The following SKAP1 variants were observed in gnomAD, a reference collection of about 807,000 sequenced individuals.
SKAP1 encodes the protein src kinase-associated phosphoprotein 1.
In SKAP1, 44 loss-of-function variants were observed where a neutral mutation model predicts 58.5. The observed-to-expected ratio is 0.75, with a 90% CI of 0.59 to 0.97. The LOEUF is 0.97. Ranked by LOEUF, SKAP1 falls within the 50% of genes least tolerant of loss-of-function variation. SKAP1 has a pLI of 0.00. For synonymous variants in SKAP1, 127 were observed against 149.7 expected (o/e 0.85, Z 1.11); for missense variants, 390 against 435.2 (o/e 0.90, Z 0.92).
intron 10 of SKAP1, among the ~76,000 whole-genome samples, chr17:48,163,645 T>A (rs1027811421): frequency 6.6e-6 from 1 of 152,214 alleles, no homozygotes; most frequent in African/African-American, 2.4e-5. Flanking sequence ...TGGGGGACTC[T>A]GTTCTATAGA....
intron 12 of SKAP1, among the ~76,000 whole-genome samples, chr17:48,136,042 A>T (rs972561419): frequency 2.2e-4 from 34 of 152,202 alleles, no homozygotes; most frequent in African/African-American, 8.0e-4. Context: ...TCTAAGCTGG[A>T]CACAGGGCTA....
intron 4 of SKAP1, among the ~76,000 whole-genome samples, chr17:48,302,163 C>T (rs1732544188): frequency 6.6e-6 from 1 of 152,146 alleles, no homozygotes; most frequent in African/African-American, 2.4e-5. Flanking sequence ...ACATAAACCA[C>T]TTTTTATATT....
intron 4 of SKAP1, among the ~76,000 whole-genome samples, chr17:48,327,732 C>T (rs988630933): frequency 2.6e-5 from 4 of 152,090 alleles, no homozygotes; most frequent in African/African-American, 7.2e-5. Flanking sequence ...GGGCTCAAGC[C>T]GTCCTCCCTC....
intron 4 of SKAP1, among the ~76,000 whole-genome samples, chr17:48,275,484 T>C (rs540053492): frequency 1.4e-4 from 22 of 152,344 alleles, no homozygotes; most frequent in Admixed American, 1.4e-3. Flanking sequence ...GGATTATCTA[T>C]CTCTTGACCT....
intron 4 of SKAP1, among the ~76,000 whole-genome samples, chr17:48,319,518 G>T (rs574165384): frequency 6.6e-6 from 1 of 152,338 alleles, no homozygotes; most frequent in African/African-American, 2.4e-5. Context: ...GGTAGTCAAT[G>T]ATGTTGCTCC....
At chr17:48,256,495 T>C (rs757607235) in intron 4 of SKAP1, among the ~76,000 whole-genome samples, 2 of 152,132 alleles carry the variant, frequency 1.3e-5, no homozygotes, top group African/African-American at 4.8e-5. Flanking sequence ...TTTTAGTCTG[T>C]GGCATCACGG....
At chr17:48,328,823 C>G (rs1035034324) in intron 4 of SKAP1, among the ~76,000 whole-genome samples, 21 of 152,086 alleles carry the variant, frequency 1.4e-4, no homozygotes, top group African/African-American at 5.1e-4. Context: ...TATATCTGAG[C>G]CTTCCTTTCT....
intron 4 of SKAP1, among the ~76,000 whole-genome samples, chr17:48,192,129 G>A (rs1234981226): frequency 1.3e-5 from 2 of 151,860 alleles, no homozygotes; most frequent in Non-Finnish European, 2.9e-5. Context: ...GCAGTGAGCT[G>A]TGATTGAACC....
chr17:48,319,333 A>G (rs1333056429), intron 4 of SKAP1, among the ~76,000 whole-genome samples: 2 of 152,122 alleles, frequency 1.3e-5, no homozygotes, highest in Non-Finnish European at 1.5e-5. Context: ...AAATTAATGT[A>G]AAAGAATAGG....
chr17:48,410,797 G>T (rs1333724204), intron 1 of SKAP1, among the ~76,000 whole-genome samples: 1 of 151,642 alleles, frequency 6.6e-6, no homozygotes, highest in Non-Finnish European at 1.5e-5. Context: ...TGTGGTGGCA[G>T]GCACCTGTAA....
intron 4 of SKAP1, among the ~76,000 whole-genome samples, chr17:48,305,230 G>C (rs552227211): frequency 9.4e-4 from 143 of 152,256 alleles, no homozygotes; most frequent in African/African-American, 3.2e-3. Flanking sequence ...TGACCAGGCT[G>C]CTGGAGTGCA....
chr17:48,136,768 G>A (rs952120329), intron 12 of SKAP1, among the ~76,000 whole-genome samples: 4 of 149,520 alleles, frequency 2.7e-5, no homozygotes, highest in South Asian at 2.1e-4. Flanking sequence ...TCCGCTTCCC[G>A]GGTTCAAGCG....
chr17:48,172,043 G>C (rs1284282964), intron 9 of SKAP1, among the ~76,000 whole-genome samples: 1 of 152,124 alleles, frequency 6.6e-6, no homozygotes, highest in Non-Finnish European at 1.5e-5. Flanking sequence ...CTGGGTGACA[G>C]AGCAAGACTC....
At chr17:48,138,570 A>T (rs1442527179) in intron 11 of SKAP1, among the ~76,000 whole-genome samples, 1 of 151,958 alleles carries the variant, frequency 6.6e-6, no homozygotes, top group Non-Finnish European at 1.5e-5. Flanking sequence ...GGGTTTCACC[A>T]TGTTGGCCTT....
intron 1 of SKAP1, among the ~76,000 whole-genome samples, chr17:48,413,970 A>G (rs1365658884): frequency 6.6e-6 from 1 of 152,200 alleles, no homozygotes; most frequent in Non-Finnish European, 1.5e-5. Flanking sequence ...TCCTCAGACC[A>G]AAGAGAAAAG....
intron 1 of SKAP1, among the ~76,000 whole-genome samples, chr17:48,425,793 A>G (rs915653117): frequency 1.3e-5 from 2 of 152,262 alleles, no homozygotes; most frequent in Admixed American, 1.3e-4. Context: ...TTGGCCTAAC[A>G]GCAAGAAAAA....
intron 4 of SKAP1, among the ~76,000 whole-genome samples, chr17:48,241,807 A>G (rs1259430036): frequency 2.0e-5 from 3 of 152,238 alleles, no homozygotes; most frequent in African/African-American, 4.8e-5. Flanking sequence ...ACCCAGCAGT[A>G]ACAGATATAA....
chr17:48,167,404 CT>C (rs2064154791), intron 10 of SKAP1, among the ~76,000 whole-genome samples: 1 of 152,024 alleles, frequency 6.6e-6, no homozygotes, highest in African/African-American at 2.4e-5. Flanking sequence ...ATAATTTTAG[CT>C]GGTTAATAAT....
intron 1 of SKAP1, among the ~76,000 whole-genome samples, chr17:48,416,119 G>C (rs1014321566): frequency 6.6e-6 from 1 of 152,068 alleles, no homozygotes; most frequent in African/African-American, 2.4e-5. Context: ...AGTGAACATT[G>C]GAAAATAATC....
Sources: allele counts gnomAD v4.1 joint callset (sites outside exome capture counted in the v4.1 genomes callset), GRCh38; gene constraint gnomAD v4.1.1; transcripts MANE v1.5; gene names NCBI Gene and HGNC (gene_info 2026-07-23, HGNC 2026-07-21).